Variants in AKNA observed in about 807,000 individuals in gnomAD.
AKNA encodes AT-hook transcription factor.
In AKNA, 67 loss-of-function variants were observed where a neutral mutation model predicts 138.8. The ratio of observed to expected loss-of-function variants is 0.48; its 90% CI spans 0.40 to 0.59. The LOEUF (loss-of-function observed/expected upper bound fraction) is 0.59, where lower values mean the gene tolerates loss of function less well. Among genes scored for constraint, AKNA ranks in the 20% least tolerant of loss-of-function variants. AKNA has a pLI of 0.00. For synonymous variants in AKNA, 737 were observed against 754.4 expected (o/e 0.98, Z 0.38); for missense variants, 1,813 against 1,880.4 (o/e 0.96, Z 0.66).
intron 7 of AKNA, among the ~76,000 whole-genome samples, 165 bp from the exon 8 acceptor site, chr9:114,362,698 C>T (rs1485895874): frequency 6.6e-6 from 1 of 152,182 alleles, no homozygotes; most frequent in Non-Finnish European, 1.5e-5. Context: ...GGCTGCCTGC[C>T]CTGGAGAGCT....
chr9:114,362,811 A>T (rs1242773914), intron 7 of AKNA, among the ~76,000 whole-genome samples: 2 of 152,196 alleles, frequency 1.3e-5, no homozygotes, highest in Non-Finnish European at 2.9e-5. Flanking sequence ...ATAGACTTAC[A>T]AGGACCCCAA....
intron 3 of AKNA, among the ~76,000 whole-genome samples, chr9:114,375,732 T>C (rs1833120439): frequency 6.6e-6 from 1 of 152,012 alleles, no homozygotes; most frequent in South Asian, 2.1e-4. Flanking sequence ...TAATTGTGGA[T>C]GCGGGGGGTA....
At chr9:114,388,791 C>A (rs1196831552), upstream of AKNA, among the ~76,000 whole-genome samples, 2 of 152,178 alleles carry the variant, frequency 1.3e-5, no homozygotes, top group African/African-American at 4.8e-5. Context: ...AGGCCAGTCC[C>A]CTGCTCTCCA....
At chr9:114,392,636 C>A (rs1834389988), upstream of AKNA, among the ~76,000 whole-genome samples, 1 of 152,244 alleles carries the variant, frequency 6.6e-6, no homozygotes, top group Non-Finnish European at 1.5e-5. Context: ...AATGGCCTTG[C>A]CTTTTCCGTG....
In AKNA at chr9:114,335,766, A is replaced by C. The variant is rs1475075403; in HGVS notation, c.*1288T>G. The C allele has an allele frequency of 8.3e-6, 1 of 119,884 alleles. No homozygotes were observed. 7.4% of individuals were successfully genotyped at this position (119,884 alleles called of 1,614,324 possible). ...AGCCTGGGCAACCAGAGCAAAACTCAGTCTCAAAAAAAAAAAAAAAAAGAA... is the reference window on the plus strand; with the variant it reads ...AGCCTGGGCAACCAGAGCAAAACTCCGTCTCAAAAAAAAAAAAAAAAAGAA... On this transcript the variant is annotated 3_prime_UTR_variant, in exon 22 of 22. Coordinates refer to ENST00000374088, the MANE Select transcript of AKNA (RefSeq NM_001317950.2).
At chr9:114,390,140 C>T (rs1834279698), upstream of AKNA, among the ~76,000 whole-genome samples, 1 of 152,160 alleles carries the variant, frequency 6.6e-6, no homozygotes, top group African/African-American at 2.4e-5. Context: ...CTGGATAACC[C>T]CAAACCCATC....
chr9:114,341,950 A>C, intron 20 of AKNA, 59 bp downstream of exon 20: 1 of 1,510,180 alleles, frequency 6.6e-7, no homozygotes, highest in South Asian at 1.1e-5. Context: ...CAGGTCTAAT[A>C]ACCCTGGTCA....
chr9:114,349,059 G>C, intron 15 of AKNA: 1 of 435,154 alleles, frequency 2.3e-6, no homozygotes, highest in South Asian at 1.6e-5. Context: ...GGAGACGCTT[G>C]CTGGTGTTTC....
upstream of AKNA, among the ~76,000 whole-genome samples, chr9:114,395,933 G>C (rs188403395): frequency 1.3e-3 from 203 of 152,242 alleles, no homozygotes; most frequent in African/African-American, 4.6e-3. Context: ...ACACCCCAAA[G>C]TAAGGATGCG....
intron 19 of AKNA, 151 bp downstream of exon 19, chr9:114,343,557 G>A: frequency 1.3e-6 from 1 of 740,978 alleles, no homozygotes; most frequent in Non-Finnish European, 2.2e-6. Context: ...TGTGACGGCA[G>A]GACACCCAGA....
At position 114,374,171 on chromosome 9, in the gene AKNA, C is replaced by T; in HGVS notation, c.1342-4G>A. 1 of 1,555,410 alleles carries T rather than the reference C, an allele frequency of 6.4e-7. No homozygotes were observed. Among genetic ancestry groups the T allele is most frequent in the East Asian group, 2.4e-5 (1 of 41,272 alleles). ...TGAGGAGCCTGTGGTAGTCTTCCTGCAGAAAGCGGGAGCAACACGGTCACA... is the reference window on the plus strand; with the variant it reads ...TGAGGAGCCTGTGGTAGTCTTCCTGTAGAAAGCGGGAGCAACACGGTCACA... On this transcript the variant is annotated splice_region_variant and splice_polypyrimidine_tract_variant and intron_variant, in intron 3 of 21. Transcript: ENST00000374088.
Position 114,354,529 on chromosome 9 carries a change from C to T in AKNA, c.3058+1396G>A, listed in dbSNP as rs1002430202. 9.9e-5 allele frequency among the ~76,000 whole-genome samples: 15 copies of T among 152,026 alleles called. 1 individual carries two copies. In the East Asian group the frequency reaches 2.1e-3, roughly 22 times the overall value. ...GAGATCGAGACCATCTTGGCTAACA[C>T]GGTGAAACCCCGTCTCTACTAAAAA... On this transcript the variant is annotated intron_variant, in intron 14 of 21. Transcript: ENST00000374088.
chr9:114,367,655 G>A lies in AKNA; in HGVS notation c.1616C>T (p.Thr539Ile), dbSNP rs1832464196. ...AAGCCACCCCAGGGTGGGCATGCTG[G>A]TAAGCGAGGAGGGGCTCAAGTCTCC... ...ARGDLSPSSL[T>I]SMPTLGWLPE... The change falls in exon 6 of 22, where the codon ACC (threonine) becomes ATC (isoleucine). Residue 539 changes from threonine to isoleucine, a missense_variant. Physicochemically the swap from Thr to Ile is moderately conservative, Grantham distance 89. Transcript: ENST00000374088. 1 of 1,598,208 alleles carries A rather than the reference G, an allele frequency of 6.3e-7. No individual in the cohort carries two copies. The highest frequency in any genetic ancestry group is 1.1e-5 in the South Asian group (1 of 90,640).
intron 16 of AKNA, 103 bp downstream of exon 16, chr9:114,347,621 T>G (rs1830777091): frequency 8.4e-7 from 1 of 1,186,644 alleles, no homozygotes; most frequent in Admixed American, 3.2e-5. Context: ...GAGAGGGATG[T>G]GGCAGTGCCT....
chr9:114,390,189 A>G (rs1271704022), upstream of AKNA, among the ~76,000 whole-genome samples: 1 of 152,172 alleles, frequency 6.6e-6, no homozygotes, highest in African/African-American at 2.4e-5. Context: ...AACCGCCTGC[A>G]GTGCAGTCTG....
At chr9:114,357,899 A>G (rs1831617395) in intron 12 of AKNA, 22 bp downstream of exon 12, 1 of 1,593,916 alleles carries the variant, frequency 6.3e-7, no homozygotes, top group Non-Finnish European at 8.5e-7. Flanking sequence ...TTCTGGGCCC[A>G]TTCCCCCATG....
chr9:114,358,064 G>A lies in AKNA; in HGVS notation c.2596C>T (p.Pro866Ser). The change falls in exon 12 of 22, where the codon CCA becomes TCA. Residue 866 changes from proline to serine, a missense_variant. Coordinates refer to ENST00000374088, the MANE Select transcript of AKNA (RefSeq NM_001317950.2). ...GGGTGGGGTGGCACGCCAGGGCCTG[G>A]AGGGGCTGCCTCAGCCTTGCCCAGG... ...SGLGKAEAAPPGPGVPPHPPG... is the reference protein window; with the variant it reads ...SGLGKAEAAPSGPGVPPHPPG... 6.2e-7 allele frequency: 1 copy of A among 1,613,598 alleles called. No homozygotes were observed. Among genetic ancestry groups the A allele is most frequent in the Non-Finnish European group, 8.5e-7 (1 of 1,179,642 alleles).
rs752375317 is a variant in AKNA at position 114,356,911 on chromosome 9, C to T, written c.2798G>A (p.Arg933Lys). 1 of 1,569,900 alleles carries T rather than the reference C, an allele frequency of 6.4e-7. No individual in the cohort carries two copies. Among genetic ancestry groups the T allele is most frequent in the South Asian group, 1.2e-5 (1 of 84,388 alleles). The change falls in exon 13 of 22, where the codon AGA (arginine) becomes AAA (lysine). Residue 933 changes from arginine to lysine, a missense_variant. By Grantham distance (26) the Arg-to-Lys change is conservative (BLOSUM62 2). Transcript: ENST00000374088. ...TGGAGTCTGGGTGAGGGGTGAAACT[C>T]TGCTTGTTTCTGAGCCCACAAAGCC... is the stretch of plus-strand genomic sequence containing the variant. ...DSGFVGSETS[R>K]VSPLTQTPEH... is the part of the protein sequence containing the mutation.
chr9:114,350,484 G>T (rs994490759), intron 15 of AKNA, among the ~76,000 whole-genome samples: 2 of 152,142 alleles, frequency 1.3e-5, no homozygotes, highest in African/African-American at 4.8e-5. Context: ...ACCAAAAAAA[G>T]AAAAGAAAAA....
Sources: gnomAD v4.1 joint callset for allele counts (sites outside exome capture counted in the v4.1 genomes callset) on GRCh38, gnomAD v4.1.1 for gene constraint, MANE v1.5 for transcripts, NCBI Gene and HGNC (gene_info 2026-07-23, HGNC 2026-07-21) for gene names.